The following CYFIP1 variants were observed in gnomAD, a reference collection of about 807,000 sequenced individuals.
CYFIP1 encodes the protein cytoplasmic FMR1-interacting protein 1.
A neutral mutation model predicts 163.5 loss-of-function variants in CYFIP1; 58 were observed. The ratio of observed to expected loss-of-function variants is 0.35; its 90% CI spans 0.29 to 0.44. The LOEUF (loss-of-function observed/expected upper bound fraction) is 0.44, where lower values mean the gene tolerates loss of function less well. CYFIP1 is among the 20% of genes least tolerant of loss of function. The pLI is 1.00. For synonymous variants in CYFIP1, 663 were observed against 660.7 expected (o/e 1.00, Z -0.05); for missense variants, 1,338 against 1,653.8 (o/e 0.81, Z 3.31).
chr15:22,881,744 C>T, intron 25 of CYFIP1, 102 bp downstream of exon 25: 1 of 1,133,552 alleles, frequency 8.8e-7, no homozygotes, highest in Non-Finnish European at 1.3e-6. Context: ...TCTACTGCCT[C>T]TTCCCACATG....
chr15:22,871,041 T>C (rs1326428987), intron 30 of CYFIP1, among the ~76,000 whole-genome samples: 3 of 152,152 alleles, frequency 2.0e-5, no homozygotes, highest in African/African-American at 7.2e-5. Context: ...AGCCCGGGCG[T>C]AAGCAAGCGG....
At chr15:22,922,013 G>A (rs1351577102) in intron 13 of CYFIP1, among the ~76,000 whole-genome samples, 2 of 152,124 alleles carry the variant, frequency 1.3e-5, no homozygotes, top group African/African-American at 4.8e-5. Context: ...CTGCACATGC[G>A]AGAGAATCAA....
intron 1 of CYFIP1, among the ~76,000 whole-genome samples, chr15:22,970,744 C>T (rs780269693): frequency 6.6e-6 from 1 of 152,192 alleles, no homozygotes; most frequent in Non-Finnish European, 1.5e-5. Flanking sequence ...TCCACACATA[C>T]ATGAATTATG....
At chr15:22,916,949 C>G in intron 15 of CYFIP1, 1 of 1,551,748 alleles carries the variant, frequency 6.4e-7, no homozygotes, top group Non-Finnish European at 8.7e-7. Flanking sequence ...CATGCAAGAG[C>G]CTCTCCATGC....
At chr15:22,955,904 A>T (rs2062432686) in intron 1 of CYFIP1, among the ~76,000 whole-genome samples, 1 of 152,176 alleles carries the variant, frequency 6.6e-6, no homozygotes, top group Non-Finnish European at 1.5e-5. Flanking sequence ...AAGAACAGTG[A>T]ATCAACAGAA....
At chr15:22,952,659 C>CAAAAAAAAAAAAAAAAAAAAAAAAAA (rs3083512) in intron 1 of CYFIP1, among the ~76,000 whole-genome samples, 2 of 45,682 alleles carry the variant, frequency 4.4e-5, no homozygotes, top group African/African-American at 2.0e-4. Flanking sequence ...GACTCCATCT[C>CAAAAAAAAAAAAAAAAAAAAAAAAAA]AAAAAAAAAA....
intron 6 of CYFIP1, among the ~76,000 whole-genome samples, chr15:22,942,697 C>A (rs1164866784): frequency 6.6e-6 from 1 of 152,214 alleles, no homozygotes; most frequent in East Asian, 1.9e-4. Flanking sequence ...CACCCTGTGA[C>A]TGTGCACGGG....
At chr15:22,881,701 C>T in intron 25 of CYFIP1, 145 bp downstream of exon 25, 3 of 747,540 alleles carry the variant, frequency 4.0e-6, no homozygotes, top group Non-Finnish European at 6.6e-6. Context: ...GACCCCAACA[C>T]ACCTCTTCCT....
intron 11 of CYFIP1, among the ~76,000 whole-genome samples, chr15:22,929,394 G>T (rs903543515): frequency 6.6e-6 from 1 of 152,084 alleles, no homozygotes; most frequent in Admixed American, 6.6e-5. Context: ...AAAACTCTGG[G>T]AGGCTGAGGT....
At chr15:22,910,143 G>T (rs1284795839) in intron 20 of CYFIP1, among the ~76,000 whole-genome samples, 2 of 152,120 alleles carry the variant, frequency 1.3e-5, no homozygotes, top group African/African-American at 4.8e-5. Flanking sequence ...CTAGCTATAA[G>T]AAATCTCAAT....
chr15:22,870,513 T>C lies in CYFIP1; in HGVS notation c.3598-321A>G, dbSNP rs1319041835. The stretch of plus-strand genomic sequence containing the variant: ...ATTTTGTAAAGACAAGGTCTTATTA[T>C]GCTGTCCAGGATGGTCTTGAACTCC... On this transcript the variant is annotated intron_variant, in intron 30 of 30. Coordinates refer to ENST00000617928, the MANE Select transcript of CYFIP1 (RefSeq NM_014608.6). Among the ~76,000 whole-genome samples, 6 of 152,134 alleles carry C rather than the reference T, an allele frequency of 3.9e-5. 1 individual carries two copies. Among genetic ancestry groups the C allele is most frequent in the Admixed American group, 2.6e-4 (4 of 15,274 alleles).
Position 22,943,330 on chromosome 15 carries a change from C to T in CYFIP1, c.412G>A (p.Gly138Arg), listed in dbSNP as rs541227757. ...FQRNAIERFCGEVRRLCHAER... is the reference protein window; with the variant it reads ...FQRNAIERFCREVRRLCHAER... ...GCATGGCACAGGCGCCTCACTTCCC[C>T]GCAGAAACGCTCAATGGCATTTCTC... Residue 138 changes from glycine to arginine, a missense_variant, in exon 6 of 31, where the codon GGG becomes AGG. By Grantham distance (125) the Gly-to-Arg change is moderately radical (BLOSUM62 -2). This residue lies in a region of CYFIP1 where 186 missense variants were observed against 288.3 expected (regional missense o/e 0.65). Transcript: ENST00000617928. 7 of 1,614,146 alleles carry T rather than the reference C, an allele frequency of 4.3e-6. No individual in the cohort carries two copies. Among genetic ancestry groups the T allele is most frequent in the South Asian group, 3.3e-5 (3 of 91,086 alleles).
chr15:22,869,449 A>C lies in CYFIP1; in HGVS notation c.*579T>G, dbSNP rs2059356202. On this transcript the variant is annotated 3_prime_UTR_variant, in exon 31 of 31. Coordinates refer to ENST00000617928, the MANE Select transcript of CYFIP1 (RefSeq NM_014608.6). ...AGCCAGGCAGCACAGGGTTAGAGTAAATAAATGAACACAAATAGATCTCAT... is the reference window on the plus strand; with the variant it reads ...AGCCAGGCAGCACAGGGTTAGAGTACATAAATGAACACAAATAGATCTCAT... 6.6e-6 allele frequency: 1 copy of C among 152,178 alleles called. No individual in the cohort carries two copies. Among genetic ancestry groups the C allele is most frequent in the Non-Finnish European group, 1.5e-5 (1 of 68,068 alleles). 9.4% of individuals were successfully genotyped at this position (152,178 alleles called of 1,614,324 possible).
chr15:22,933,848 C>G lies in CYFIP1; in HGVS notation c.946G>C (p.Ala316Pro). Reference protein sequence around the residue: ...PLFGDMQIELARYIKTSAHYE... With the variant: ...PLFGDMQIELPRYIKTSAHYE... ...TGGGCGCTGGTCTTGATATATCTTGCCAGTTCTATTTGCATGTCCCCAAAT... is the reference window on the plus strand; with the variant it reads ...TGGGCGCTGGTCTTGATATATCTTGGCAGTTCTATTTGCATGTCCCCAAAT... The change falls in exon 10 of 31, where the codon GCA (alanine) becomes CCA (proline). Residue 316 changes from alanine to proline, a missense_variant. Coordinates refer to ENST00000617928, the MANE Select transcript of CYFIP1 (RefSeq NM_014608.6). 1.9e-6 allele frequency: 3 copies of G among 1,613,358 alleles called. No individual in the cohort carries two copies. The highest frequency in any genetic ancestry group is 2.5e-6 in the Non-Finnish European group (3 of 1,179,806).
intron 1 of CYFIP1, among the ~76,000 whole-genome samples, chr15:22,979,685 C>G (rs1304044209): frequency 6.6e-6 from 1 of 152,172 alleles, no homozygotes; most frequent in East Asian, 1.9e-4. Context: ...ATACACAATT[C>G]AGATGCTTGT....
chr15:22,881,923 A>G lies in CYFIP1; in HGVS notation c.2834T>C (p.Ile945Thr). 1 of 1,612,312 alleles carries G rather than the reference A, an allele frequency of 6.2e-7. No homozygotes were observed. Among genetic ancestry groups the G allele is most frequent in the African/African-American group, 1.3e-5 (1 of 75,010 alleles). ...KVVKSLLQGT[I>T]LQYVKTLMEV... ...CATCAGCGTCTTCACGTACTGCAGG[A>G]TTGTGCCTTGCAGCTGCCGGGGAGA... Residue 945 changes from isoleucine (I) to threonine (T), a missense_variant, in exon 25 of 31, where the codon ATC becomes ACC. Around this residue, in one of 4 missense-constraint regions of CYFIP1, gnomAD observed 824 missense variants for 995.7 expected, o/e 0.83. Transcript: ENST00000617928.
At chr15:22,974,252 C>A (rs1462302258) in intron 1 of CYFIP1, among the ~76,000 whole-genome samples, 1 of 152,158 alleles carries the variant, frequency 6.6e-6, no homozygotes, top group Non-Finnish European at 1.5e-5. Context: ...CCTTTCACAA[C>A]AGCCAAGACA....
At chr15:22,946,681 T>G in intron 3 of CYFIP1, 1 of 452,432 alleles carries the variant, frequency 2.2e-6, no homozygotes, top group East Asian at 4.9e-5. Flanking sequence ...AATTCATTTA[T>G]AAATCTAAAT....
chr15:22,937,927 G>C (rs2061768790), intron 8 of CYFIP1, among the ~76,000 whole-genome samples: 1 of 152,130 alleles, frequency 6.6e-6, no homozygotes, highest in Non-Finnish European at 1.5e-5. Context: ...TCTTAACGTG[G>C]ACTAGCCACC....
Sources: allele counts gnomAD v4.1 joint callset (sites outside exome capture counted in the v4.1 genomes callset), GRCh38; gene constraint gnomAD v4.1.1; regional missense constraint gnomAD v4.1.1; transcripts MANE v1.5; gene names NCBI Gene and HGNC (gene_info 2026-07-23, HGNC 2026-07-21).